The following SLC19A1 variants were observed in gnomAD, a reference collection of about 807,000 sequenced individuals.
SLC19A1 encodes solute carrier family 19 member 1.
In SLC19A1, 37 loss-of-function variants were observed where a neutral mutation model predicts 35.3. The observed-to-expected ratio is 1.05, with a 90% CI of 0.81 to 1.38. The LOEUF (loss-of-function observed/expected upper bound fraction) is 1.38, where lower values mean the gene tolerates loss of function less well. Ranked by LOEUF, SLC19A1 falls within the 40% of genes most tolerant of loss-of-function variation. The probability of loss-of-function intolerance (pLI) is 0.00; values close to 1 mark genes in which losing one functional copy is unlikely to be tolerated. For missense variants in SLC19A1, 831 were observed against 826.9 expected, an observed-to-expected ratio of 1.00 and a Z score of -0.06; for synonymous variants, 460 against 398.5, an observed-to-expected ratio of 1.15 and a Z score of -1.84.
chr21:45,534,430 C>A lies in SLC19A1; in HGVS notation c.190-2282G>T. 1 of 913,546 alleles carries A rather than the reference C, an allele frequency of 1.1e-6. No individual in the cohort carries two copies. Among genetic ancestry groups the A allele is most frequent in the Non-Finnish European group, 1.7e-6 (1 of 596,514 alleles). 56.6% of individuals were successfully genotyped at this position (913,546 alleles called of 1,614,324 possible). On this transcript the variant is annotated intron_variant, in intron 2 of 5. Transcript: ENST00000311124. The surrounding 1 kb of genome is among the most constrained non-coding windows in gnomAD (Gnocchi z 4.2). The stretch of plus-strand genomic sequence containing the variant: ...CCAGCCCCTGGCCGGGGCACAGGTT[C>A]TGCCCACAGCCCAGAGTCAAAATGG...
At chr21:45,546,139 C>A (rs2078413213), upstream of SLC19A1, among the ~76,000 whole-genome samples, 1 of 152,282 alleles carries the variant, frequency 6.6e-6, no homozygotes, top group South Asian at 2.1e-4. Flanking sequence ...CCAGGCCTGC[C>A]TGCAGCTGTG....
intron 2 of SLC19A1, 64 bp from the exon 3 acceptor site, chr21:45,532,212 C>A: frequency 7.1e-7 from 1 of 1,406,448 alleles, no homozygotes; most frequent in Non-Finnish European, 9.8e-7. Context: ...GCAGACACAG[C>A]CCGCCCGAGG....
At chr21:45,519,589 A>AAAAAAAAAAAAAAC (rs2077378141) in intron 5 of SLC19A1, among the ~76,000 whole-genome samples, 1 of 151,028 alleles carries the variant, frequency 6.6e-6, no homozygotes, top group Admixed American at 6.6e-5. Context: ...AAAAAAAAAA[A>AAAAAAAAAAAAAAC]AAAAAGACCA....
intron 1 of SLC19A1, among the ~76,000 whole-genome samples, chr21:45,559,348 G>A (rs1430381940): frequency 2.0e-5 from 3 of 152,176 alleles, no homozygotes; most frequent in East Asian, 1.9e-4. Context: ...TATTTAGGTC[G>A]GTGAGGTGTC....
chr21:45,506,247 G>A (rs764173865), intron 3 of SLC19A1: 93 of 461,894 alleles, frequency 2.0e-4, no homozygotes, highest in Middle Eastern at 6.4e-4. Context: ...AAAGATAAAT[G>A]TCACCTCACA....
chr21:45,525,279 C>T (rs956233468), intron 5 of SLC19A1, among the ~76,000 whole-genome samples: 5 of 152,242 alleles, frequency 3.3e-5, no homozygotes, highest in African/African-American at 1.2e-4. Flanking sequence ...TCTCACACCA[C>T]GCCCACCATG....
intron 3 of SLC19A1, chr21:45,505,789 CCCCCGCCCT>C (rs370379179): frequency 3.0e-6 from 4 of 1,336,750 alleles, no homozygotes; most frequent in East Asian, 4.8e-5. Context: ...CCGCCCCTGC[CCCCCGCCCT>C]CCCCGCCAAG....
In SLC19A1 at chr21:45,505,112, C is replaced by T. The variant is rs562082875; in HGVS notation, c.498-6500G>A. On this transcript the variant is annotated intron_variant, in intron 3 of 4. Transcript: ENST00000417954. Reference sequence around the variant, plus strand: ...TCCAGGGCACGAGGTAACCAGGAAGCGTCTCTTGTCGCCGTCCGTAGGGTC... The same window carrying T: ...TCCAGGGCACGAGGTAACCAGGAAGTGTCTCTTGTCGCCGTCCGTAGGGTC... The T allele has an allele frequency of 3.3e-4, 528 of 1,604,626 alleles. 4 individuals carry two copies. The Middle Eastern group carries it at 0.013, about 41-fold the overall frequency.
At chr21:45,505,787 G>GCC in intron 3 of SLC19A1, 1 of 1,248,152 alleles carries the variant, frequency 8.0e-7, no homozygotes, top group Non-Finnish European at 1.1e-6. Flanking sequence ...TTCCGCCCCT[G>GCC]CCCCCCGCCC....
At chr21:45,546,587 A>C (rs1436225298), upstream of SLC19A1, among the ~76,000 whole-genome samples, 1 of 152,276 alleles carries the variant, frequency 6.6e-6, no homozygotes, top group African/African-American at 2.4e-5. Context: ...ATGCTTAAAT[A>C]GCCCATCTTT....
At chr21:45,556,863 A>G (rs1403769062) in intron 1 of SLC19A1, among the ~76,000 whole-genome samples, 2 of 152,222 alleles carry the variant, frequency 1.3e-5, no homozygotes, top group Non-Finnish European at 2.9e-5. Context: ...GGCCCTGCAC[A>G]GCAACCGGCC....
At position 45,534,486 on chromosome 21, in the gene SLC19A1, C is replaced by G. The variant is rs116817593; in HGVS notation, c.190-2338G>C. 3.1e-3 allele frequency: 4,180 copies of G among 1,367,442 alleles called. 67 individuals are homozygous for G. The highest frequency in any genetic ancestry group is 0.029 in the African/African-American group (2,025 of 69,920). The allele number at this position is 1,367,442 out of a possible 1,614,324, so 84.7% of individuals were successfully genotyped here. The stretch of plus-strand genomic sequence containing the variant: ...AGCCAGCAGAGAGGCTCTCCCCAGA[C>G]CCCACGGCTCTCTGGAAAAGGGCGG... On this transcript the variant is annotated intron_variant, in intron 2 of 5. Coordinates refer to ENST00000311124, the MANE Select transcript of SLC19A1 (RefSeq NM_194255.4). The surrounding 1 kb of genome is among the most constrained non-coding windows in gnomAD (Gnocchi z 4.2).
At chr21:45,511,751 C>T (rs932238652), downstream of SLC19A1, among the ~76,000 whole-genome samples, 8 of 152,206 alleles carry the variant, frequency 5.3e-5, no homozygotes, top group Non-Finnish European at 1.0e-4. Flanking sequence ...CCCAGCAGTG[C>T]CTGGCCATCT....
chr21:45,506,641 A>C (rs2037217941), intron 3 of SLC19A1: 1 of 170,580 alleles, frequency 5.9e-6, no homozygotes, highest in Admixed American at 5.4e-5. Context: ...TGCCGCCGAA[A>C]CGGCCTGTGA....
intron 1 of SLC19A1, among the ~76,000 whole-genome samples, chr21:45,561,005 G>C (rs1474602566): frequency 6.6e-6 from 1 of 152,254 alleles, no homozygotes; most frequent in Non-Finnish European, 1.5e-5. Flanking sequence ...CTGCTTCCCA[G>C]CCACCCATGT....
chr21:45,560,220 C>T (rs1011692967), intron 1 of SLC19A1, among the ~76,000 whole-genome samples: 1 of 152,218 alleles, frequency 6.6e-6, no homozygotes, highest in Non-Finnish European at 1.5e-5. Context: ...GATCCACCCC[C>T]CAAGGACTCC....
chr21:45,552,755 C>T (rs1361439238), intron 1 of SLC19A1, among the ~76,000 whole-genome samples: 1 of 152,130 alleles, frequency 6.6e-6, no homozygotes, highest in Non-Finnish European at 1.5e-5. Context: ...GCGGAGCCTG[C>T]AGGTCATTCC....
intron 1 of SLC19A1, among the ~76,000 whole-genome samples, chr21:45,553,320 G>A (rs2146494757): frequency 6.6e-6 from 1 of 152,106 alleles, no homozygotes; most frequent in Non-Finnish European, 1.5e-5. Context: ...CACGACTCCA[G>A]GCCACATCCT....
In SLC19A1 at chr21:45,531,000, C is replaced by G. The variant is rs58617515; in HGVS notation, c.950-29G>C. ...AGAGGGGAGGGATGGGGCGTTGCAG[C>G]GGCCCTGGGGGGCCACGGGGCAGGG... On this transcript the variant is annotated intron_variant, in intron 3 of 5. Transcript: ENST00000311124. This position sits in a 1 kb window ranked among gnomAD's most constrained non-coding sequence, Gnocchi z 5.3. 1.9e-6 allele frequency: 2 copies of G among 1,048,446 alleles called. No homozygotes were observed. Among genetic ancestry groups the G allele is most frequent in the East Asian group, 8.9e-5 (1 of 11,198 alleles). 64.9% of individuals were successfully genotyped at this position (1,048,446 alleles called of 1,614,324 possible).
Sources: gnomAD v4.1 joint callset for allele counts (sites outside exome capture counted in the v4.1 genomes callset) on GRCh38, gnomAD v4.1.1 for gene constraint, Gnocchi (gnomAD v3.1) non-coding constraint, MANE v1.5 for transcripts, NCBI Gene and HGNC (gene_info 2026-07-23, HGNC 2026-07-21) for gene names.